TENM3: variants seen among roughly 807,000 people sequenced by gnomAD.
The protein encoded by TENM3 is teneurin-3.
TENM3 carries 63 observed loss-of-function variants against 255.1 expected under a neutral mutation model. The observed-to-expected ratio is 0.25, with a 90% CI of 0.20 to 0.30. The LOEUF (loss-of-function observed/expected upper bound fraction) is 0.30, where lower values mean the gene tolerates loss of function less well. Among genes scored for constraint, TENM3 ranks in the 10% least tolerant of loss-of-function variants. The pLI, the probability that TENM3 is intolerant of heterozygous loss-of-function variation, is 1.00. For missense variants in TENM3, 2,929 were observed against 3,461.1 expected (o/e 0.85, Z 3.86); for synonymous variants, 1,306 against 1,322.3 (o/e 0.99, Z 0.27).
the TENM3 span, among the ~76,000 whole-genome samples, chr4:181,880,682 AATT>A: frequency 6.6e-6 from 1 of 152,206 alleles, no homozygotes; most frequent in African/African-American, 2.4e-5. Flanking sequence ...TGCTAAAAAA[AATT>A]ATTTGGTAAG....
the TENM3 span, among the ~76,000 whole-genome samples, chr4:181,506,126 A>G: frequency 2.0e-5 from 3 of 152,192 alleles, no homozygotes; most frequent in African/African-American, 7.2e-5. Flanking sequence ...TATTAAAGAC[A>G]AATATACTCT....
chr4:182,080,529 G>T, the TENM3 span, among the ~76,000 whole-genome samples: 1 of 152,118 alleles, frequency 6.6e-6, no homozygotes, highest in Admixed American at 6.5e-5. Context: ...TAACAATATT[G>T]TTTAAATTGT....
the TENM3 span, among the ~76,000 whole-genome samples, chr4:181,678,548 C>T: frequency 2.0e-5 from 3 of 151,966 alleles, no homozygotes; most frequent in Non-Finnish European, 4.4e-5. Flanking sequence ...GTGCCAAGCT[C>T]AGTAGCTGGG....
the TENM3 span, among the ~76,000 whole-genome samples, chr4:182,062,415 G>A: frequency 1.2e-4 from 19 of 152,212 alleles, no homozygotes; most frequent in South Asian, 1.0e-3. Flanking sequence ...CCATCAATGC[G>A]TCTCCACATT....
At chr4:182,717,368 T>C (rs1759284299) in intron 13 of TENM3, among the ~76,000 whole-genome samples, 2 of 152,194 alleles carry the variant, frequency 1.3e-5, no homozygotes, top group Non-Finnish European at 2.9e-5. Flanking sequence ...TTTTAACACC[T>C]GTGCTGCTTT....
the TENM3 span, among the ~76,000 whole-genome samples, chr4:181,474,424 G>A: frequency 3.3e-5 from 5 of 151,862 alleles, no homozygotes; most frequent in Non-Finnish European, 7.4e-5. Context: ...GGAAATTTTG[G>A]CTAGACTCCA....
At chr4:182,355,800 G>T (rs1225628242) in intron 3 of TENM3, among the ~76,000 whole-genome samples, 1 of 151,952 alleles carries the variant, frequency 6.6e-6, no homozygotes, top group East Asian at 1.9e-4. Context: ...CAAGTTGAAA[G>T]TTAAAGTATT....
chr4:182,387,766 A>G (rs1029444457), intron 3 of TENM3, among the ~76,000 whole-genome samples: 9 of 151,754 alleles, frequency 5.9e-5, no homozygotes, highest in Non-Finnish European at 1.0e-4. Context: ...CACCAGAAGG[A>G]AAAAACTCCG....
intron 3 of TENM3, among the ~76,000 whole-genome samples, chr4:182,411,029 G>A (rs980962663): frequency 2.0e-5 from 3 of 152,128 alleles, no homozygotes; most frequent in African/African-American, 7.2e-5. Context: ...CTCAAAAGCA[G>A]GTGTAAAGGA....
chr4:181,450,203 C>T, the TENM3 span, among the ~76,000 whole-genome samples: 4 of 151,994 alleles, frequency 2.6e-5, no homozygotes, highest in East Asian at 5.8e-4. Flanking sequence ...CTGATGATTT[C>T]GCCGTAGCAA....
intron 26 of TENM3, among the ~76,000 whole-genome samples, chr4:182,795,627 A>G (rs1376336107): frequency 1.3e-5 from 2 of 152,198 alleles, no homozygotes; most frequent in Admixed American, 6.5e-5. Flanking sequence ...GTGGCTCTCC[A>G]TCATTCTGAC....
the TENM3 span, among the ~76,000 whole-genome samples, chr4:181,668,388 A>G: frequency 6.6e-6 from 1 of 152,112 alleles, no homozygotes; most frequent in African/African-American, 2.4e-5. Flanking sequence ...TCACAAATCC[A>G]GTGGTTTAAA....
At chr4:182,673,609 T>G (rs975893429) in intron 7 of TENM3, among the ~76,000 whole-genome samples, 1 of 152,216 alleles carries the variant, frequency 6.6e-6, no homozygotes, top group African/African-American at 2.4e-5. Flanking sequence ...TTCATTCTGT[T>G]GAAAATGTAT....
At chr4:182,796,831 A>G (rs1438126937) in intron 27 of TENM3, 64 bp downstream of exon 27, 3 of 1,304,100 alleles carry the variant, frequency 2.3e-6, no homozygotes, top group African/African-American at 3.0e-5. Flanking sequence ...CCCATATCTA[A>G]TCAAACTACC....
chr4:182,259,047 A>G (rs1758616306), intron 1 of TENM3, among the ~76,000 whole-genome samples: 1 of 152,250 alleles, frequency 6.6e-6, no homozygotes, highest in Non-Finnish European at 1.5e-5. Flanking sequence ...TTGTCTATAA[A>G]GCCAGTTATG....
At chr4:182,550,869 G>A (rs887420411) in intron 3 of TENM3, among the ~76,000 whole-genome samples, 1 of 152,124 alleles carries the variant, frequency 6.6e-6, no homozygotes, top group Non-Finnish European at 1.5e-5. Flanking sequence ...TCTACCAAAG[G>A]GGCTAAGCAG....
At chr4:182,719,252 C>CTTTTTTTTTTTTTTTTTTT (rs11348241) in intron 13 of TENM3, among the ~76,000 whole-genome samples, 3 of 80,822 alleles carry the variant, frequency 3.7e-5, no homozygotes, top group African/African-American at 5.3e-5. Context: ...TTTTTTTTTT[C>CTTTTTTTTTTTTTTTTTTT]TTTTTTTTTT....
At chr4:182,035,859 C>T in the TENM3 span, among the ~76,000 whole-genome samples, 3 of 152,186 alleles carry the variant, frequency 2.0e-5, no homozygotes, top group African/African-American at 7.2e-5. Context: ...ATATGCCCCA[C>T]CACACACTGC....
the TENM3 span, among the ~76,000 whole-genome samples, chr4:182,041,940 C>T: frequency 5.2e-3 from 786 of 152,298 alleles, 6 homozygotes; most frequent in Non-Finnish European, 6.9e-3. Context: ...CATACTATTT[C>T]TACAGGCTTT....
Sources: gnomAD v4.1 joint callset for allele counts (sites outside exome capture counted in the v4.1 genomes callset) on GRCh38, gnomAD v4.1.1 for gene constraint, MANE v1.5 for transcripts, NCBI Gene and HGNC (gene_info 2026-07-23, HGNC 2026-07-21) for gene names.